CDK14: variants seen among roughly 807,000 people sequenced by gnomAD.
The protein encoded by CDK14 is cyclin dependent kinase 14, also known as cyclin-dependent kinase 14.
Under a neutral mutation model 60.7 loss-of-function variants are expected in CDK14, and 34 were observed. The ratio of observed to expected loss-of-function variants is 0.56; its 90% CI spans 0.43 to 0.75. The LOEUF (loss-of-function observed/expected upper bound fraction) is 0.75. Ranked by LOEUF, CDK14 falls within the 30% of genes least tolerant of loss-of-function variation. CDK14 has a pLI of 0.00. For missense variants in CDK14, 482 were observed against 564.1 expected, an observed-to-expected ratio of 0.85 and a Z score of 1.47; for synonymous variants, 197 against 203.7, an observed-to-expected ratio of 0.97 and a Z score of 0.28.
chr7:90,706,801 A>G lies in CDK14; in HGVS notation c.124-19766A>G, dbSNP rs890439914. On this transcript the variant is annotated intron_variant, in intron 2 of 14. Coordinates refer to ENST00000380050, the MANE Select transcript of CDK14 (RefSeq NM_001287135.2). Reference sequence around the variant, plus strand: ...CCATAGTTGGATGAGTGTTGTGCTCAGATCCACTTGGTCAGTGGGTGCCTA... The same window carrying G: ...CCATAGTTGGATGAGTGTTGTGCTCGGATCCACTTGGTCAGTGGGTGCCTA... Among the ~76,000 whole-genome samples the G allele has an allele frequency of 2.6e-5, 4 of 152,312 alleles. 1 individual carries two copies. The South Asian group carries it at 8.3e-4, about 32-fold the overall frequency.
chr7:91,003,620 G>A (rs1405213806), intron 10 of CDK14, among the ~76,000 whole-genome samples: 1 of 152,024 alleles, frequency 6.6e-6, no homozygotes, highest in East Asian at 1.9e-4. Context: ...GTAGAAGCTG[G>A]GTAACCACCA....
At chr7:91,025,478 T>C (rs1469521373) in intron 10 of CDK14, among the ~76,000 whole-genome samples, 1 of 152,194 alleles carries the variant, frequency 6.6e-6, no homozygotes, top group Non-Finnish European at 1.5e-5. Flanking sequence ...TTAAATCTCA[T>C]GAAATGACAT....
intron 11 of CDK14, among the ~76,000 whole-genome samples, chr7:91,048,117 G>A (rs1322636568): frequency 6.6e-6 from 1 of 152,222 alleles, no homozygotes; most frequent in African/African-American, 2.4e-5. Flanking sequence ...TCAAGCAATA[G>A]GAACAAGGAG....
At chr7:90,597,432 T>G (rs1799217103) in intron 1 of CDK14, 2 of 152,196 alleles carry the variant, frequency 1.3e-5, no homozygotes, top group South Asian at 4.1e-4. Flanking sequence ...TAAATGCATG[T>G]CACAGGTTGT....
intron 5 of CDK14, among the ~76,000 whole-genome samples, chr7:90,844,925 T>TC (rs1230938563): frequency 6.6e-6 from 1 of 152,114 alleles, no homozygotes; most frequent in Non-Finnish European, 1.5e-5. Flanking sequence ...AGCTCTGGCT[T>TC]CATTCTAAAA....
intron 3 of CDK14, among the ~76,000 whole-genome samples, chr7:90,731,400 G>A (rs1033720187): frequency 2.6e-5 from 4 of 152,174 alleles, no homozygotes; most frequent in African/African-American, 9.7e-5. Flanking sequence ...TAGCTTGATG[G>A]GGATAGCATT....
Position 90,883,422 on chromosome 7 carries a change from C to G in CDK14, c.640-15869C>G, listed in dbSNP as rs546911692. Reference sequence around the variant, plus strand: ...GGAAGAAGTCTAATCCCTGAGTAGACCAATAACAAGTTCTGAAATTGAGGC... The same window carrying G: ...GGAAGAAGTCTAATCCCTGAGTAGAGCAATAACAAGTTCTGAAATTGAGGC... On this transcript the variant is annotated intron_variant, in intron 6 of 14. Transcript: ENST00000380050. 2.6e-5 allele frequency among the ~76,000 whole-genome samples: 4 copies of G among 152,218 alleles called. No individual in the cohort carries two copies. The East Asian group carries it at 7.7e-4, about 29-fold the overall frequency.
At chr7:90,853,371 C>T (rs1029901437) in intron 5 of CDK14, among the ~76,000 whole-genome samples, 1 of 152,040 alleles carries the variant, frequency 6.6e-6, no homozygotes, top group African/African-American at 2.4e-5. Context: ...GAATCTACCT[C>T]AGTAGCTTTG....
intron 14 of CDK14, among the ~76,000 whole-genome samples, chr7:91,123,567 A>G (rs959280506): frequency 6.6e-6 from 1 of 152,120 alleles, no homozygotes; most frequent in Non-Finnish European, 1.5e-5. Context: ...TCCAAATGAG[A>G]AGAGGCCGGA....
intron 5 of CDK14, among the ~76,000 whole-genome samples, chr7:90,802,682 T>A (rs1858807): frequency 0.2 from 31,172 of 152,074 alleles, 3,337 homozygotes; most frequent in South Asian, 0.24. Context: ...CGACTCAACT[T>A]ACAGGCTTCT....
At chr7:90,838,109 CAGA>C (rs1790173255) in intron 5 of CDK14, among the ~76,000 whole-genome samples, 1 of 152,010 alleles carries the variant, frequency 6.6e-6, no homozygotes, top group African/African-American at 2.4e-5. Flanking sequence ...GAAGCTGCGG[CAGA>C]AGAACATAAA....
At chr7:90,987,921 T>G (rs1795417724) in intron 10 of CDK14, among the ~76,000 whole-genome samples, 1 of 152,100 alleles carries the variant, frequency 6.6e-6, no homozygotes, top group Non-Finnish European at 1.5e-5. Flanking sequence ...AAACATGGGA[T>G]TATTTGGTTT....
chr7:90,885,335 C>T (rs1791908193), intron 6 of CDK14, among the ~76,000 whole-genome samples: 1 of 152,162 alleles, frequency 6.6e-6, no homozygotes, highest in Middle Eastern at 3.2e-3. Context: ...AAAATCTCAA[C>T]ATCACTGATC....
chr7:90,755,484 G>A (rs1304446882), intron 4 of CDK14, among the ~76,000 whole-genome samples: 1 of 152,034 alleles, frequency 6.6e-6, no homozygotes, highest in Non-Finnish European at 1.5e-5. Flanking sequence ...AAGGAAGGGG[G>A]AAAAGGGTTG....
chr7:90,815,619 T>A (rs1235765135), intron 5 of CDK14, among the ~76,000 whole-genome samples: 1 of 152,124 alleles, frequency 6.6e-6, no homozygotes, highest in Non-Finnish European at 1.5e-5. Flanking sequence ...CATACACACA[T>A]ATGTTTATTG....
intron 4 of CDK14, among the ~76,000 whole-genome samples, chr7:90,772,069 A>G (rs371412986): frequency 4.3e-4 from 66 of 152,356 alleles, no homozygotes; most frequent in African/African-American, 1.3e-3. Flanking sequence ...AGGGTCTTCA[A>G]CTGAACATTT....
chr7:90,891,431 A>C (rs1273937883), intron 6 of CDK14, among the ~76,000 whole-genome samples: 1 of 152,244 alleles, frequency 6.6e-6, no homozygotes, highest in Non-Finnish European at 1.5e-5. Context: ...TGGTGTTTAC[A>C]CATAAACTAT....
At chr7:90,707,679 G>A (rs1310128831) in intron 2 of CDK14, among the ~76,000 whole-genome samples, 1 of 152,130 alleles carries the variant, frequency 6.6e-6, no homozygotes, top group African/African-American at 2.4e-5. Flanking sequence ...CTGTGAGTAT[G>A]GCTTGGTTAT....
intron 2 of CDK14, among the ~76,000 whole-genome samples, chr7:90,714,530 C>A (rs773588310): frequency 2.0e-5 from 3 of 152,012 alleles, no homozygotes; most frequent in Non-Finnish European, 4.4e-5. Flanking sequence ...AATTTTGGCT[C>A]TTTATAATAG....
Sources: allele counts gnomAD v4.1 joint callset (sites outside exome capture counted in the v4.1 genomes callset), GRCh38; gene constraint gnomAD v4.1.1; transcripts MANE v1.5; gene names NCBI Gene and HGNC (gene_info 2026-07-23, HGNC 2026-07-21).